Variants in DTYMK observed in about 807,000 individuals in gnomAD.
The protein encoded by DTYMK is thymidylate kinase.
DTYMK carries 20 observed loss-of-function variants against 20.3 expected under a neutral mutation model. That is an observed-to-expected ratio of 0.99 (90% CI 0.69 to 1.43). The LOEUF is 1.43. DTYMK is among the 40% of genes most tolerant of loss of function. The probability of loss-of-function intolerance (pLI) is 0.00; values close to 1 mark genes in which losing one functional copy is unlikely to be tolerated. For synonymous variants in DTYMK, 148 were observed against 124.4 expected (o/e 1.19, Z -1.27); for missense variants, 320 against 291.1 (o/e 1.10, Z -0.72).
chr2:241,683,840 T>A (rs2069318152), intron 2 of DTYMK, among the ~76,000 whole-genome samples: 1 of 152,108 alleles, frequency 6.6e-6, no homozygotes, highest in African/African-American at 2.4e-5. Context: ...GGAGGATCAC[T>A]TGAGGTCAGG....
At chr2:241,682,760 TA>T in intron 2 of DTYMK, 1 of 160,872 alleles carries the variant, frequency 6.2e-6, no homozygotes, top group Non-Finnish European at 1.3e-5. Context: ...CATCACTAAC[TA>T]AAAAATAGAA....
rs190494407 is a variant in DTYMK at position 241,684,109 on chromosome 2, C to T, written c.239+1660G>A. Among the ~76,000 whole-genome samples the T allele has an allele frequency of 2.5e-3, 381 of 151,922 alleles. 2 individuals are homozygous for T. Among genetic ancestry groups the T allele is most frequent in the Middle Eastern group, 0.01 (3 of 294 alleles). ...AAAAAACTATCAAGCCACAGTTAGA[C>T]ATAGAGGAAACTTAAATATCTATTA... is the stretch of plus-strand genomic sequence containing the variant. On this transcript the variant is annotated intron_variant, in intron 2 of 4. Coordinates refer to ENST00000305784, the MANE Select transcript of DTYMK (RefSeq NM_012145.4).
intron 2 of DTYMK, chr2:241,682,699 A>C (rs761176804): frequency 1.5e-4 from 25 of 170,136 alleles, no homozygotes; most frequent in Non-Finnish European, 2.7e-4. Context: ...AAGCAGGTGG[A>C]TCACCTGAGG....
rs781076311 is a variant in DTYMK at position 241,678,587 on chromosome 2, C to G, written c.393G>C (p.Leu131=). 1.2e-6 allele frequency: 2 copies of G among 1,614,196 alleles called. No individual in the cohort carries two copies. The highest frequency in any genetic ancestry group is 1.1e-5 in the South Asian group (1 of 91,084). Residue 131 remains leucine (L), a synonymous_variant, in exon 4 of 5, where the codon CTG becomes CTC. Transcript: ENST00000305784. ...DVGLPKPDLV[L]FLQLQLADAA... ...CATCCGCCAGCTGTAACTGGAGGAA[C>G]AGGACCAGGTCGGGTTTGGGAAGGC...
intron 2 of DTYMK, chr2:241,684,840 TGTAAC>T (rs1161121546): frequency 9.2e-6 from 4 of 435,726 alleles, no homozygotes; most frequent in Non-Finnish European, 1.9e-5. Flanking sequence ...TTTTAACAAA[TGTAAC>T]ATAACACAGC....
At chr2:241,683,065 G>A (rs529987254) in intron 2 of DTYMK, 2 of 152,506 alleles carry the variant, frequency 1.3e-5, no homozygotes, top group East Asian at 3.9e-4. Flanking sequence ...CTGTACTCTA[G>A]CCTGGTTGAG....
Position 241,685,779 on chromosome 2 carries a change from A to T in DTYMK, c.229T>A (p.Trp77Arg). ...TGCAATGGTTTTTACACTTGTTCCC[A>T]GCGATTTGCAGAAAAAAGCAGGTGC... ...SVHLLFSANR[W>R]EQVPLIKEKL... Residue 77 changes from tryptophan to arginine, a missense_variant, in exon 2 of 5, where the codon TGG becomes AGG. Physicochemically the swap from Trp to Arg is moderately radical, Grantham distance 101 (BLOSUM62 -3). Coordinates refer to ENST00000305784, the MANE Select transcript of DTYMK (RefSeq NM_012145.4). 6.2e-7 allele frequency: 1 copy of T among 1,614,096 alleles called. No homozygotes were observed. Among genetic ancestry groups the T allele is most frequent in the Non-Finnish European group, 8.5e-7 (1 of 1,179,922 alleles).
In DTYMK at chr2:241,683,578, T is replaced by C. The variant is rs138197295; in HGVS notation, c.239+2191A>G. Among the ~76,000 whole-genome samples the C allele has an allele frequency of 4.9e-3, 743 of 152,276 alleles. 7 individuals are homozygous for C. Among genetic ancestry groups the C allele is most frequent in the African/African-American group, 0.017 (706 of 41,544 alleles). On this transcript the variant is annotated intron_variant, in intron 2 of 4. Coordinates refer to ENST00000305784, the MANE Select transcript of DTYMK (RefSeq NM_012145.4). Reference sequence around the variant, plus strand: ...CAAAAATTAATAGTCTTACCACATATTAAAGCAGTGGTGCTCCCTGGCATT... The same window carrying C: ...CAAAAATTAATAGTCTTACCACATACTAAAGCAGTGGTGCTCCCTGGCATT...
intron 2 of DTYMK, 74 bp from the exon 3 acceptor site, chr2:241,680,393 C>T: frequency 1.3e-6 from 2 of 1,547,830 alleles, no homozygotes; most frequent in Non-Finnish European, 1.8e-6. Context: ...ATTATCCCAA[C>T]AGGCTGTGCG....
chr2:241,676,351 C>T, intron 4 of DTYMK, 114 bp from the exon 5 acceptor site: 1 of 978,882 alleles, frequency 1.0e-6, no homozygotes, highest in Non-Finnish European at 1.5e-6. Flanking sequence ...GGGAGGACTG[C>T]TTGTACCCAG....
Position 241,676,170 on chromosome 2 carries a change from A to T in DTYMK, c.596T>A (p.Ile199Asn). 1 of 1,613,024 alleles carries T rather than the reference A, an allele frequency of 6.2e-7. No homozygotes were observed. The highest frequency in any genetic ancestry group is 8.5e-7 in the Non-Finnish European group (1 of 1,179,600). ...CAGCGGCTTCTCTGTGGCAGTGCGG[A>T]TGGCGTCCTCAGAGAGCACGCGGAT... ...EDIRVLSEDAIRTATEKPLGE... is the reference protein window; with the variant it reads ...EDIRVLSEDANRTATEKPLGE... Residue 199 changes from isoleucine (I) to asparagine (N), a missense_variant, in exon 5 of 5, where the codon ATC (isoleucine) becomes AAC (asparagine). Transcript: ENST00000305784.
chr2:241,678,753 A>T (rs2069175508), intron 3 of DTYMK, 104 bp from the exon 4 acceptor site: 1 of 1,307,836 alleles, frequency 7.6e-7, no homozygotes, highest in Non-Finnish European at 1.1e-6. Context: ...TGAGGTACCA[A>T]GATGTGAGAC....
At chr2:241,685,904 T>G in intron 1 of DTYMK, 27 bp from the exon 2 acceptor site, 1 of 1,607,032 alleles carries the variant, frequency 6.2e-7, no homozygotes, top group Non-Finnish European at 8.5e-7. Context: ...ACACACAAAA[T>G]GCAAGTGAGA....
intron 4 of DTYMK, among the ~76,000 whole-genome samples, chr2:241,677,584 G>GA (rs1163449296): frequency 6.6e-6 from 1 of 152,250 alleles, no homozygotes; most frequent in Admixed American, 6.5e-5. Flanking sequence ...CTGCCGCCTG[G>GA]AAAGAGGCCA....
intron 2 of DTYMK, chr2:241,682,670 C>A: frequency 2.9e-5 from 5 of 173,264 alleles, no homozygotes; most frequent in South Asian, 1.0e-4. Context: ...GCCTGTAATC[C>A]CAGCACTTTG....
Position 241,676,079 on chromosome 2 carries a change from CCT to C in DTYMK, c.*46_*47del, listed in dbSNP as rs2069107126. 1 of 1,549,660 alleles carries C rather than the reference CCT, an allele frequency of 6.5e-7. No homozygotes were observed. Among genetic ancestry groups the C allele is most frequent in the Non-Finnish European group, 8.8e-7 (1 of 1,140,794 alleles). ...GACGGGGCCTTCCGCGAGTCTCCCA[CCT>C]CTCGGGGGACTGCAGGGAGAGGCGT... On this transcript the variant is annotated 3_prime_UTR_variant, in exon 5 of 5. Coordinates refer to ENST00000305784, the MANE Select transcript of DTYMK (RefSeq NM_012145.4).
intron 2 of DTYMK, chr2:241,684,574 G>C: frequency 2.7e-6 from 1 of 366,198 alleles, no homozygotes; most frequent in Non-Finnish European, 5.5e-6. Context: ...TGTAAGTGCA[G>C]AAATCTGTAA....
chr2:241,684,532 A>T (rs1466720438), intron 2 of DTYMK, among the ~76,000 whole-genome samples: 3 of 152,310 alleles, frequency 2.0e-5, no homozygotes, highest in Admixed American at 1.3e-4. Flanking sequence ...GACGACAATT[A>T]AAGAGAATGA....
rs763538564 is a variant in DTYMK at position 241,686,768 on chromosome 2, C to G, written c.16G>C (p.Gly6Arg). ...ACGCCCTCCAGCACTATGAGAGCCCCGCGCCGGGCCGCCATGACTGTCCAC... is the reference window on the plus strand; with the variant it reads ...ACGCCCTCCAGCACTATGAGAGCCCGGCGCCGGGCCGCCATGACTGTCCAC... MAARRGALIVLEGVDR... is the reference protein window; with the variant it reads MAARRRALIVLEGVDR... Residue 6 changes from glycine to arginine, a missense_variant, in exon 1 of 5, where the codon GGG becomes CGG. Physicochemically the swap from Gly to Arg is moderately radical, Grantham distance 125. Transcript: ENST00000305784. 1 of 1,461,040 alleles carries G rather than the reference C, an allele frequency of 6.8e-7. No homozygotes were observed. Among genetic ancestry groups the G allele is most frequent in the South Asian group, 1.4e-5 (1 of 69,070 alleles). 90.5% of individuals were successfully genotyped at this position (1,461,040 alleles called of 1,614,324 possible). A position where few individuals can be genotyped will look rare whatever the true frequency, so the allele number is the denominator to read the frequency against.
Sources: allele counts gnomAD v4.1 joint callset (sites outside exome capture counted in the v4.1 genomes callset), GRCh38; gene constraint gnomAD v4.1.1; transcripts MANE v1.5; gene names NCBI Gene and HGNC (gene_info 2026-07-23, HGNC 2026-07-21).